The following ERN1 variants were observed in gnomAD, a reference collection of about 807,000 sequenced individuals.
ERN1 encodes endoplasmic reticulum to nucleus signaling 1, also known as serine/threonine-protein kinase/endoribonuclease IRE1.
Under a neutral mutation model 113.1 loss-of-function variants are expected in ERN1, and 39 were observed. The ratio of observed to expected loss-of-function variants is 0.34; its 90% CI spans 0.27 to 0.45. The LOEUF is 0.45. ERN1 is among the 20% of genes least tolerant of loss of function. The pLI is 1.00. For synonymous variants in ERN1, 507 were observed against 515.9 expected (o/e 0.98, Z 0.23); for missense variants, 976 against 1,274.8 (o/e 0.77, Z 3.57).
chr17:64,051,435 T>C (rs1168624051), intron 17 of ERN1, among the ~76,000 whole-genome samples: 2 of 152,208 alleles, frequency 1.3e-5, no homozygotes, highest in Non-Finnish European at 2.9e-5. Flanking sequence ...ATCTTACAGA[T>C]ACAATCTGCC....
In ERN1 at chr17:64,066,902, C is replaced by A; in HGVS notation, c.611G>T (p.Gly204Val). Residue 204 changes from glycine to valine, a missense_variant, in exon 8 of 22, where the codon GGG becomes GTG. Gly to Val is a moderately radical substitution (Grantham distance 109). Around this residue, in one of 5 missense-constraint regions of ERN1, gnomAD observed 459 missense variants for 581.2 expected, o/e 0.79. Coordinates refer to ENST00000433197, the MANE Select transcript of ERN1 (RefSeq NM_001433.5). ...TTCACTGTCCACAGTCACCACCAGC[C>A]CATCACCATTGGACACAAAGTGGGA... ...KMSHFVSNGD[G>V]LVVTVDSESG... 6.2e-7 allele frequency: 1 copy of A among 1,613,866 alleles called. No individual in the cohort carries two copies.
At chr17:64,090,398 A>G (rs1249026169) in intron 2 of ERN1, among the ~76,000 whole-genome samples, 1 of 152,232 alleles carries the variant, frequency 6.6e-6, no homozygotes, top group Non-Finnish European at 1.5e-5. Flanking sequence ...TGGCAGAAGT[A>G]ACTCAGGCCA....
At position 64,077,784 on chromosome 17, in the gene ERN1, T is replaced by C. The variant is rs187647074; in HGVS notation, c.282+1878A>G. On this transcript the variant is annotated intron_variant, in intron 4 of 21. Transcript: ENST00000433197. The stretch of plus-strand genomic sequence containing the variant: ...TTTTTGAGATGGAGTCTCGCTCTGT[T>C]GCCCAGGCTGGAGTGTAGTGGCGTG... Among the ~76,000 whole-genome samples, 1,327 of 151,866 alleles carry C rather than the reference T, an allele frequency of 8.7e-3. 19 individuals carry two copies. The highest frequency in any genetic ancestry group is 0.029 in the African/African-American group (1,217 of 41,390).
intron 8 of ERN1, among the ~76,000 whole-genome samples, chr17:64,066,241 AT>A (rs1913220683): frequency 6.6e-6 from 1 of 152,220 alleles, no homozygotes; most frequent in African/African-American, 2.4e-5. Flanking sequence ...AATCTCTTGC[AT>A]CCCTACCACC....
At chr17:64,115,063 T>C (rs929319826) in intron 1 of ERN1, among the ~76,000 whole-genome samples, 11 of 152,136 alleles carry the variant, frequency 7.2e-5, no homozygotes, top group Non-Finnish European at 1.5e-4. Flanking sequence ...CACCTTCCCG[T>C]CTTTTTAATC....
intron 1 of ERN1, among the ~76,000 whole-genome samples, chr17:64,114,324 T>C (rs969347583): frequency 1.3e-5 from 2 of 152,154 alleles, no homozygotes; most frequent in African/African-American, 4.8e-5. Flanking sequence ...GTAAGTGCCA[T>C]GAAAGGGACA....
intron 6 of ERN1, 126 bp downstream of exon 6, chr17:64,071,855 A>G (rs1360010889): frequency 1.0e-6 from 1 of 996,394 alleles, no homozygotes; most frequent in African/African-American, 1.6e-5. Flanking sequence ...ATAAAGGAAA[A>G]TGACATGATG....
At chr17:64,116,468 C>T (rs984399146) in intron 1 of ERN1, among the ~76,000 whole-genome samples, 6 of 152,066 alleles carry the variant, frequency 3.9e-5, no homozygotes, top group South Asian at 2.1e-4. Flanking sequence ...AAGTGGAAAA[C>T]GAACCCTAAC....
In ERN1 at chr17:64,049,961, G is replaced by A. The variant is rs1419749183; in HGVS notation, c.2254-759C>T. Among the ~76,000 whole-genome samples the A allele has an allele frequency of 6.6e-6, 1 of 152,146 alleles. No individual in the cohort carries two copies. Among genetic ancestry groups the A allele is most frequent in the Non-Finnish European group, 1.5e-5 (1 of 68,034 alleles). Reference sequence around the variant, plus strand: ...AGGTGAAGTGAGGGTCTAGTGTGAGGAAGCAGGGGCTCATCACCTCCCATG... The same window carrying A: ...AGGTGAAGTGAGGGTCTAGTGTGAGAAAGCAGGGGCTCATCACCTCCCATG... On this transcript the variant is annotated intron_variant, in intron 17 of 21. Coordinates refer to ENST00000433197, the MANE Select transcript of ERN1 (RefSeq NM_001433.5). This position sits in a 1 kb window ranked among gnomAD's most constrained non-coding sequence, Gnocchi z 4.7.
intron 10 of ERN1, among the ~76,000 whole-genome samples, chr17:64,060,940 TCTC>T (rs1012292801): frequency 2.0e-5 from 3 of 152,030 alleles, no homozygotes; most frequent in Non-Finnish European, 4.4e-5. Flanking sequence ...TTCAAGGAGT[TCTC>T]CTTTCAATGC....
intron 5 of ERN1, among the ~76,000 whole-genome samples, chr17:64,074,050 A>T (rs1044010356): frequency 2.0e-5 from 3 of 152,220 alleles, no homozygotes. Flanking sequence ...TCTCACTGAC[A>T]AAATCATAAT....
Position 64,049,020 on chromosome 17 carries a change from G to C in ERN1, c.2401+35C>G. 6.6e-7 allele frequency: 1 copy of C among 1,523,386 alleles called. No individual in the cohort carries two copies. The highest frequency in any genetic ancestry group is 8.9e-7 in the Non-Finnish European group (1 of 1,125,608). The allele number at this position is 1,523,386 out of a possible 1,614,324, so 94.4% of individuals were successfully genotyped here. A position where few individuals can be genotyped will look rare whatever the true frequency, so the allele number is the denominator to read the frequency against. On this transcript the variant is annotated intron_variant, in intron 18 of 21. Coordinates refer to ENST00000433197, the MANE Select transcript of ERN1 (RefSeq NM_001433.5). This position sits in a 1 kb window ranked among gnomAD's most constrained non-coding sequence, Gnocchi z 4.7. ...TGCAGGGCCACCTGAGGCAGCTGAGGAGCTGCTCCCAACCCCAACCCCTGG... is the reference window on the plus strand; with the variant it reads ...TGCAGGGCCACCTGAGGCAGCTGAGCAGCTGCTCCCAACCCCAACCCCTGG...
intron 4 of ERN1, among the ~76,000 whole-genome samples, chr17:64,078,690 T>G (rs1913673709): frequency 6.6e-6 from 1 of 152,012 alleles, no homozygotes; most frequent in African/African-American, 2.4e-5. Context: ...ATATCCCAAT[T>G]GACCTACACC....
chr17:64,048,381 G>A (rs971745379), intron 18 of ERN1, among the ~76,000 whole-genome samples: 3 of 152,184 alleles, frequency 2.0e-5, no homozygotes, highest in Non-Finnish European at 2.9e-5. Context: ...ATCACGTCTA[G>A]ATAAATGACT....
intron 2 of ERN1, among the ~76,000 whole-genome samples, chr17:64,081,108 G>A (rs748146186): frequency 6.0e-4 from 92 of 152,332 alleles, no homozygotes; most frequent in South Asian, 8.3e-4. Flanking sequence ...GATGGATGCA[G>A]AACGAAGAAC....
chr17:64,104,200 C>T (rs950596408), intron 1 of ERN1, among the ~76,000 whole-genome samples: 1 of 152,200 alleles, frequency 6.6e-6, no homozygotes, highest in African/African-American at 2.4e-5. Context: ...CAAGACAGTG[C>T]TACTGCACTC....
intron 1 of ERN1, among the ~76,000 whole-genome samples, chr17:64,118,515 C>T (rs967538144): frequency 1.3e-5 from 2 of 152,212 alleles, no homozygotes; most frequent in South Asian, 2.1e-4. Context: ...GTCCACACAG[C>T]GCTTTCAGGC....
intron 2 of ERN1, among the ~76,000 whole-genome samples, chr17:64,081,593 G>C (rs2143414167): frequency 6.6e-6 from 1 of 152,258 alleles, no homozygotes; most frequent in East Asian, 1.9e-4. Context: ...TGCAACTATG[G>C]GGAAAGGCTT....
At position 64,066,807 on chromosome 17, in the gene ERN1, C is replaced by T. The variant is rs1913243155; in HGVS notation, c.706G>A (p.Gly236Ser). The T allele has an allele frequency of 1.9e-6, 3 of 1,613,938 alleles. No homozygotes were observed. Among genetic ancestry groups the T allele is most frequent in the Non-Finnish European group, 1.7e-6 (2 of 1,179,874 alleles). Reference sequence around the variant, plus strand: ...TTGATGTGCATCACCTTCCTCAGACCCTCCCGCTGCCAGACATAAAAGGCC... The same window carrying T: ...TTGATGTGCATCACCTTCCTCAGACTCTCCCGCTGCCAGACATAAAAGGCC... ...VVAFYVWQREGLRKVMHINVA... is the reference protein window; with the variant it reads ...VVAFYVWQRESLRKVMHINVA... Residue 236 changes from glycine (G) to serine (S), a missense_variant, in exon 8 of 22, where the codon GGT (glycine) becomes AGT (serine). Transcript: ENST00000433197.
Sources: allele counts gnomAD v4.1 joint callset (sites outside exome capture counted in the v4.1 genomes callset), GRCh38; gene constraint gnomAD v4.1.1; regional missense constraint gnomAD v4.1.1; non-coding constraint Gnocchi (gnomAD v3.1); transcripts MANE v1.5; gene names NCBI Gene and HGNC (gene_info 2026-07-23, HGNC 2026-07-21).